TENM2: variants seen among roughly 807,000 people sequenced by gnomAD.
TENM2 encodes the protein teneurin-2.
In TENM2, 52 loss-of-function variants were observed where a neutral mutation model predicts 245.2. That is an observed-to-expected ratio of 0.21 (90% CI 0.17 to 0.27). The LOEUF (loss-of-function observed/expected upper bound fraction) is 0.27, where lower values mean the gene tolerates loss of function less well. TENM2 is among the 10% of genes least tolerant of loss of function. The pLI, the probability that TENM2 is intolerant of heterozygous loss-of-function variation, is 1.00. For synonymous variants in TENM2, 1,363 were observed against 1,438.9 expected, an observed-to-expected ratio of 0.95 and a Z score of 1.19; for missense variants, 3,046 against 3,666.8, an observed-to-expected ratio of 0.83 and a Z score of 4.37.
the TENM2 span, among the ~76,000 whole-genome samples, chr5:167,155,963 G>A: frequency 6.6e-6 from 1 of 152,200 alleles, no homozygotes; most frequent in Admixed American, 6.5e-5. Context: ...TCACTCTTGA[G>A]CGTGTCTGGG....
intron 9 of TENM2, among the ~76,000 whole-genome samples, chr5:168,108,715 C>T (rs1418368521): frequency 6.6e-6 from 1 of 152,106 alleles, no homozygotes; most frequent in Non-Finnish European, 1.5e-5. Context: ...GCAGGAAGAC[C>T]CCCCAAATCC....
At chr5:167,716,784 G>T (rs1011536058) in intron 2 of TENM2, among the ~76,000 whole-genome samples, 1 of 151,512 alleles carries the variant, frequency 6.6e-6, no homozygotes, top group African/African-American at 2.4e-5. Context: ...ACAGAAATCC[G>T]AAGGGAAAAA....
At chr5:168,036,494 G>A (rs1297908648) in intron 5 of TENM2, among the ~76,000 whole-genome samples, 2 of 151,654 alleles carry the variant, frequency 1.3e-5, no homozygotes, top group African/African-American at 4.8e-5. Context: ...AAATTAGCTG[G>A]GCATGGTGGT....
At chr5:167,648,474 G>A (rs1780112632) in intron 2 of TENM2, among the ~76,000 whole-genome samples, 1 of 152,144 alleles carries the variant, frequency 6.6e-6, no homozygotes, top group Non-Finnish European at 1.5e-5. Context: ...CAGTGATGGG[G>A]ACAACAGGAC....
chr5:167,832,297 G>C (rs987158025), intron 2 of TENM2, among the ~76,000 whole-genome samples: 11 of 152,188 alleles, frequency 7.2e-5, no homozygotes, highest in Admixed American at 7.2e-4. Context: ...GCTGCCCAAT[G>C]ATGAATTATT....
chr5:167,619,878 G>A (rs1778044602), intron 2 of TENM2, among the ~76,000 whole-genome samples: 1 of 151,940 alleles, frequency 6.6e-6, no homozygotes, highest in Admixed American at 6.6e-5. Context: ...AAAATTAATA[G>A]GACTGACAGC....
chr5:167,477,012 A>T lies in TENM2; in HGVS notation c.502+101539A>T, dbSNP rs1025691786. On this transcript the variant is annotated intron_variant, in intron 2 of 28. Transcript: ENST00000518659. ...TTCAGAGATTATTTTAGATAAAAAT[A>T]ATGTTCCATAAAAAAAGTGATGGTT... Among the ~76,000 whole-genome samples, 16 of 152,202 alleles carry T rather than the reference A, an allele frequency of 1.1e-4. No homozygotes were observed. In the South Asian group the frequency reaches 1.4e-3, roughly 14 times the overall value.
intron 2 of TENM2, among the ~76,000 whole-genome samples, chr5:167,831,338 G>C (rs1394580213): frequency 1.3e-5 from 2 of 152,080 alleles, no homozygotes; most frequent in African/African-American, 4.8e-5. Context: ...ATTAAATAAA[G>C]TAGCCAAATG....
At chr5:167,488,069 T>G (rs902069944) in intron 2 of TENM2, among the ~76,000 whole-genome samples, 1 of 152,102 alleles carries the variant, frequency 6.6e-6, no homozygotes, top group Non-Finnish European at 1.5e-5. Context: ...GAACTGAGTA[T>G]TAGATCACAT....
At chr5:168,198,998 A>G in exon 16 of TENM2, 1 of 1,614,000 alleles carries the variant, frequency 6.2e-7, no homozygotes, top group Non-Finnish European at 8.5e-7. Context: ...GGAGAACTCC[A>G]TCCCCAGCTG....
At chr5:167,120,716 A>G in the TENM2 span, among the ~76,000 whole-genome samples, 1 of 152,234 alleles carries the variant, frequency 6.6e-6, no homozygotes, top group Non-Finnish European at 1.5e-5. Context: ...AGTAACAGAT[A>G]GTATAGCAGA....
chr5:167,043,547 G>A, the TENM2 span, among the ~76,000 whole-genome samples: 1 of 152,106 alleles, frequency 6.6e-6, no homozygotes, highest in African/African-American at 2.4e-5. Context: ...CATCATGCTC[G>A]GGATACCTAA....
the TENM2 span, among the ~76,000 whole-genome samples, chr5:167,101,221 G>A: frequency 6.6e-6 from 1 of 152,122 alleles, no homozygotes; most frequent in South Asian, 2.1e-4. Flanking sequence ...TTATGACTTT[G>A]TTTGTTTGGT....
intron 2 of TENM2, among the ~76,000 whole-genome samples, chr5:167,643,030 T>C (rs1779712393): frequency 1.3e-5 from 2 of 152,200 alleles, no homozygotes; most frequent in South Asian, 4.1e-4. Context: ...AGCAGAAAGC[T>C]TCTCTCAAAC....
At chr5:168,102,413 T>C (rs1019545606) in intron 9 of TENM2, among the ~76,000 whole-genome samples, 5 of 152,078 alleles carry the variant, frequency 3.3e-5, no homozygotes, top group Non-Finnish European at 2.9e-5. Flanking sequence ...AACCAGAAAA[T>C]TGAAAAAGGA....
the TENM2 span, among the ~76,000 whole-genome samples, chr5:167,100,547 T>A: frequency 6.6e-6 from 1 of 152,182 alleles, no homozygotes; most frequent in African/African-American, 2.4e-5. Flanking sequence ...ACATTGTTTT[T>A]GATAAACGGA....
At chr5:167,683,208 G>A (rs576700378) in intron 2 of TENM2, among the ~76,000 whole-genome samples, 1 of 150,754 alleles carries the variant, frequency 6.6e-6, no homozygotes, top group South Asian at 2.1e-4. Flanking sequence ...GAGATTTATT[G>A]CCTGTATCCT....
the TENM2 span, among the ~76,000 whole-genome samples, chr5:167,014,321 T>TA: frequency 6.6e-6 from 1 of 152,120 alleles, no homozygotes; most frequent in Non-Finnish European, 1.5e-5. Context: ...TGATCTGCTC[T>TA]TAGTCATGAG....
chr5:167,135,108 A>G, the TENM2 span, among the ~76,000 whole-genome samples: 1 of 152,162 alleles, frequency 6.6e-6, no homozygotes, highest in Non-Finnish European at 1.5e-5. Flanking sequence ...GCACCCCATA[A>G]TAGTTGCCTG....
Sources: allele counts gnomAD v4.1 joint callset (sites outside exome capture counted in the v4.1 genomes callset), GRCh38; gene constraint gnomAD v4.1.1; transcripts MANE v1.5; gene names NCBI Gene and HGNC (gene_info 2026-07-23, HGNC 2026-07-21).